COG2: variants seen among roughly 807,000 people sequenced by gnomAD.
COG2 encodes the protein component of oligomeric golgi complex 2, also known as conserved oligomeric Golgi complex subunit 2.
In COG2, 52 loss-of-function variants were observed where a neutral mutation model predicts 90.6. The observed-to-expected ratio is 0.57, with a 90% confidence interval of 0.46 to 0.72. The LOEUF (loss-of-function observed/expected upper bound fraction) is 0.72, where lower values mean the gene tolerates loss of function less well. COG2 is among the 30% of genes least tolerant of loss of function. The pLI is 0.00. For missense variants in COG2, 829 were observed against 891.2 expected, an observed-to-expected ratio of 0.93 and a Z score of 0.89; for synonymous variants, 337 against 320.4, an observed-to-expected ratio of 1.05 and a Z score of -0.55.
chr1:230,693,255 A>T, intron 17 of COG2, 37 bp from the exon 18 acceptor site: 1 of 1,235,054 alleles, frequency 8.1e-7, no homozygotes, highest in Non-Finnish European at 1.2e-6. Context: ...TTCAGCTTGA[A>T]TTGCAGTAAC....
In COG2 at chr1:230,668,781, A is replaced by G. The variant is rs1662380263; in HGVS notation, c.591A>G (p.Arg197=). 6.3e-7 allele frequency: 1 copy of G among 1,586,542 alleles called. No homozygotes were observed. ...GCATGCCTCTTTTGGACAAAGTAAG[A>G]CCGGTAAGTGTTGTTTTGGATTTCC... The part of the protein sequence containing the change: ...SKGMPLLDKV[R]PRIAGITAML... Residue 197 remains arginine, a synonymous_variant, in exon 6 of 18, where the codon AGA becomes AGG. Coordinates refer to ENST00000366669, the MANE Select transcript of COG2 (RefSeq NM_007357.3).
In COG2 at chr1:230,669,520, A is replaced by C; in HGVS notation, c.759A>C (p.Lys253Asn). 6.2e-7 allele frequency: 1 copy of C among 1,613,832 alleles called. No individual in the cohort carries two copies. The highest frequency in any genetic ancestry group is 8.5e-7 in the Non-Finnish European group (1 of 1,179,882). ...CCTTAGTTGGCCAAGTACTAGTGAA[A>C]CCATACATAGACGAGGTCTGTGTAC... The part of the protein sequence containing the change: ...AEALVGQVLV[K>N]PYIDEVIIEQ... The change falls in exon 7 of 18, where the codon AAA becomes AAC. Residue 253 changes from lysine (K) to asparagine (N), a missense_variant. Lys to Asn is a moderately conservative substitution (Grantham distance 94, BLOSUM62 0). Transcript: ENST00000366669.
At chr1:230,643,630 G>C (rs1463079870) in intron 1 of COG2, among the ~76,000 whole-genome samples, 1 of 151,910 alleles carries the variant, frequency 6.6e-6, no homozygotes, top group African/African-American at 2.4e-5. Flanking sequence ...GATAATATTT[G>C]CATTCAGATT....
chr1:230,684,456 A>C (rs771370828), intron 11 of COG2: 28 of 152,686 alleles, frequency 1.8e-4, no homozygotes, highest in Non-Finnish European at 2.9e-4. Context: ...TGGACTTACC[A>C]GTACATGTTG....
At chr1:230,690,882 T>C (rs1316193056) in intron 16 of COG2, among the ~76,000 whole-genome samples, 1 of 152,250 alleles carries the variant, frequency 6.6e-6, no homozygotes, top group Non-Finnish European at 1.5e-5. Flanking sequence ...AACTCATTTA[T>C]AATTTGAAAA....
At chr1:230,673,810 A>G (rs1406119076) in intron 8 of COG2, among the ~76,000 whole-genome samples, 1 of 152,162 alleles carries the variant, frequency 6.6e-6, no homozygotes, top group African/African-American at 2.4e-5. Flanking sequence ...TAATAACATT[A>G]TTTGCTAGCT....
In COG2 at chr1:230,642,663, G is replaced by A. The variant is rs1284241064; in HGVS notation, c.57G>A (p.Lys19=). ...GGCCGGACACGCTCTGCTTCGACAA[G>A]GACGAGTTCATGAAGGTGCGCGCGG... ...PKGPDTLCFD[K]DEFMKEDFDV... Residue 19 remains lysine, a synonymous_variant, in exon 1 of 18, where the codon AAG becomes AAA. Transcript: ENST00000366669. The A allele has an allele frequency of 6.2e-7, 1 of 1,612,988 alleles. No individual in the cohort carries two copies. Among genetic ancestry groups the A allele is most frequent in the East Asian group, 2.2e-5 (1 of 44,804 alleles).
At position 230,691,475 on chromosome 1, in the gene COG2, G is replaced by T; in HGVS notation, c.2026G>T (p.Ala676Ser). Residue 676 changes from alanine (A) to serine (S), a missense_variant, in exon 17 of 18, where the codon GCC becomes TCC. By Grantham distance (99) the Ala-to-Ser change is moderately conservative. Coordinates refer to ENST00000366669, the MANE Select transcript of COG2 (RefSeq NM_007357.3). ...RLKQARKTTP[A>S]NPVGPSGGMS... ...GAAACAAGCCAGAAAAACCACTCCC[G>T]CCAACCCCGTCGGTCCCAGTGGTGG... 6.2e-7 allele frequency: 1 copy of T among 1,614,078 alleles called. No homozygotes were observed. The highest frequency in any genetic ancestry group is 8.5e-7 in the Non-Finnish European group (1 of 1,180,010).
At chr1:230,683,883 C>T (rs1662820298) in intron 11 of COG2, among the ~76,000 whole-genome samples, 1 of 151,948 alleles carries the variant, frequency 6.6e-6, no homozygotes, top group African/African-American at 2.4e-5. Context: ...CCCCCGCCTC[C>T]CAGGTTCAAG....
At chr1:230,683,720 G>A in intron 11 of COG2, 85 bp downstream of exon 11, 2 of 845,826 alleles carry the variant, frequency 2.4e-6, no homozygotes, top group Non-Finnish European at 3.7e-6. Flanking sequence ...AGTATTCTGA[G>A]CGTACTTTTA....
intron 10 of COG2, chr1:230,683,369 C>A: frequency 2.0e-5 from 10 of 500,804 alleles, no homozygotes; most frequent in East Asian, 3.4e-5. Flanking sequence ...AACAGAGAAC[C>A]CTTATATAAC....
At position 230,649,065 on chromosome 1, in the gene COG2, C is replaced by T. The variant is rs528970283; in HGVS notation, c.72+6387C>T. Among the ~76,000 whole-genome samples the T allele has an allele frequency of 5.9e-5, 9 of 152,172 alleles. No individual in the cohort carries two copies. The South Asian group carries it at 6.2e-4, about 11-fold the overall frequency. ...CTCGTAAATACATCAAACACAGATA[C>T]GGTATTGAACAGAGGATTTAGACAT... is the stretch of plus-strand genomic sequence containing the variant. On this transcript the variant is annotated intron_variant, in intron 1 of 17. Transcript: ENST00000366669.
chr1:230,660,514 TTTTA>T (rs995020856), intron 2 of COG2, among the ~76,000 whole-genome samples: 1 of 152,168 alleles, frequency 6.6e-6, no homozygotes, highest in African/African-American at 2.4e-5. Context: ...CTAAGGAGGC[TTTTA>T]TTTATTATGA....
chr1:230,687,189 T>C, intron 13 of COG2, 57 bp downstream of exon 13: 1 of 1,496,450 alleles, frequency 6.7e-7, no homozygotes, highest in South Asian at 1.3e-5. Flanking sequence ...TCACAGAAGG[T>C]AGTATGTGTA....
chr1:230,687,931 T>A, intron 13 of COG2, 140 bp from the exon 14 acceptor site: 2 of 621,120 alleles, frequency 3.2e-6, no homozygotes, highest in Non-Finnish European at 5.6e-6. Context: ...GTTTCTTTCC[T>A]TTGATGAAAA....
intron 8 of COG2, among the ~76,000 whole-genome samples, chr1:230,674,347 C>T (rs561651001): frequency 3.9e-5 from 6 of 152,296 alleles, no homozygotes; most frequent in South Asian, 4.1e-4. Flanking sequence ...AGCTCCAAAG[C>T]GCATGCTTTC....
Position 230,693,293 on chromosome 1 carries a change from T to TA in COG2, c.2118dup (p.Gln707ThrfsTer9). 6.2e-7 allele frequency: 1 copy of TA among 1,600,808 alleles called. No homozygotes were observed. Among genetic ancestry groups the TA allele is most frequent in the Non-Finnish European group, 8.6e-7 (1 of 1,168,064 alleles). On this transcript the variant is annotated frameshift_variant and splice_region_variant, in exon 18 of 18. Transcript: ENST00000366669. LOFTEE classifies it high-confidence loss of function. ...AATTCATTCTCATGGCCTTTGCAGATACAAAAGTTGGGACTACAAGCAAGT... is the reference window on the plus strand; with the variant it reads ...AATTCATTCTCATGGCCTTTGCAGATAACAAAAGTTGGGACTACAAGCAAGT...
intron 1 of COG2, among the ~76,000 whole-genome samples, chr1:230,647,004 C>G (rs931757371): frequency 6.6e-6 from 1 of 152,072 alleles, no homozygotes; most frequent in Non-Finnish European, 1.5e-5. Context: ...CCCTGGCATC[C>G]ATTCTTGCCT....
At chr1:230,674,228 T>C (rs1662531051) in intron 8 of COG2, among the ~76,000 whole-genome samples, 1 of 152,244 alleles carries the variant, frequency 6.6e-6, no homozygotes, top group Non-Finnish European at 1.5e-5. Context: ...ATTCTTATAA[T>C]GACTTTGTGA....
Sources: allele counts gnomAD v4.1 joint callset (sites outside exome capture counted in the v4.1 genomes callset), GRCh38; gene constraint gnomAD v4.1.1; transcripts MANE v1.5; gene names NCBI Gene and HGNC (gene_info 2026-07-23, HGNC 2026-07-21).